Variants in SPEG observed in about 807,000 individuals in gnomAD.
SPEG encodes striated muscle enriched protein kinase, also known as striated muscle preferentially expressed protein kinase.
SPEG carries 114 observed loss-of-function variants against 300.4 expected under a neutral mutation model. The observed-to-expected ratio is 0.38, with a 90% CI of 0.33 to 0.44. The LOEUF (loss-of-function observed/expected upper bound fraction) is 0.44. SPEG is among the 20% of genes least tolerant of loss of function. The pLI, the probability that SPEG is intolerant of heterozygous loss-of-function variation, is 1.00. For synonymous variants in SPEG, 1,964 were observed against 2,018.9 expected (o/e 0.97, Z 0.73); for missense variants, 4,201 against 4,586.2 (o/e 0.92, Z 2.43).
In SPEG at chr2:219,473,865, A is replaced by G. The variant is rs1421450144; in HGVS notation, c.4409A>G (p.His1470Arg). 6.2e-7 allele frequency: 1 copy of G among 1,613,480 alleles called. No individual in the cohort carries two copies. The highest frequency in any genetic ancestry group is 2.2e-5 in the East Asian group (1 of 44,874). ...GALTCTARNR[H>R]GTQTCSVTLE... Reference sequence around the variant, plus strand: ...CTCACCTGCACCGCCCGAAACCGTCACGGCACACAGACCTGCTCGGTCACA... The same window carrying G: ...CTCACCTGCACCGCCCGAAACCGTCGCGGCACACAGACCTGCTCGGTCACA... The change falls in exon 18 of 41, where the codon CAC becomes CGC. Residue 1470 changes from histidine to arginine, a missense_variant. This residue lies in a region of SPEG where 1,047 missense variants were observed against 1,356.8 expected (regional missense o/e 0.77). Transcript: ENST00000312358. The surrounding 1 kb of genome is among the most constrained non-coding windows in gnomAD (Gnocchi z 4.6).
chr2:219,468,714 T>C lies in SPEG; in HGVS notation c.3279T>C (p.Pro1093=), dbSNP rs1691597579. 1.9e-6 allele frequency: 3 copies of C among 1,614,096 alleles called. No homozygotes were observed. The African/African-American group carries it at 4.0e-5, about 22-fold the overall frequency. ...FDCKISGTPP[P]VVTWTHFGCP... ...GCAAGATCAGTGGCACCCCGCCCCC[T>C]GTTGTTACCTGGACTCATTTTGGTA... is the stretch of plus-strand genomic sequence containing the variant. Residue 1093 remains proline (P), a synonymous_variant, in exon 11 of 41, where the codon CCT becomes CCC. Transcript: ENST00000312358.
chr2:219,482,580 G>A (rs891491518), intron 28 of SPEG, among the ~76,000 whole-genome samples: 1 of 152,106 alleles, frequency 6.6e-6, no homozygotes, highest in Non-Finnish European at 1.5e-5. Context: ...GGGGGTTCAG[G>A]GGATTTGTCT....
intron 1 of SPEG, among the ~76,000 whole-genome samples, chr2:219,435,912 A>G (rs987603112): frequency 6.6e-6 from 1 of 152,138 alleles, no homozygotes; most frequent in Non-Finnish European, 1.5e-5. Context: ...GCCACGTGTG[A>G]ACAGGGTCCA....
chr2:219,465,958 CG>C (rs1691295072), intron 9 of SPEG: 1 of 998,900 alleles, frequency 1.0e-6, no homozygotes, highest in African/African-American at 1.6e-5. Flanking sequence ...TGCATGTGTG[CG>C]TGTGCATGCG....
rs1388998648 is a variant in SPEG, at chr2:219,451,104, G to A, written c.2114-32G>A. ...CGCTGTCATCCCTGCAGGGATCATG[G>A]CCCCTTACCCCGTTATTCCTGTGTC... On this transcript the variant is annotated intron_variant, in intron 4 of 40. Transcript: ENST00000312358. The surrounding 1 kb of genome is among the most constrained non-coding windows in gnomAD (Gnocchi z 6.4). The A allele has an allele frequency of 8.9e-6, 14 of 1,579,176 alleles. No individual in the cohort carries two copies. Among genetic ancestry groups the A allele is most frequent in the Non-Finnish European group, 1.0e-5 (12 of 1,164,224 alleles).
chr2:219,449,112 G>A lies in SPEG; in HGVS notation c.1954G>A (p.Ala652Thr). Reference sequence around the variant, plus strand: ...GGCCACGCCGGGCCTGGAGGGCGCTGCTGTACCCCAGACCTTGGAGAAGAA... The same window carrying A: ...GGCCACGCCGGGCCTGGAGGGCGCTACTGTACCCCAGACCTTGGAGAAGAA... The part of the protein sequence containing the change: ...PWATPGLEGA[A>T]VPQTLEKNRA... The change falls in exon 4 of 41, where the codon GCT (alanine) becomes ACT (threonine). Residue 652 changes from alanine to threonine, a missense_variant. Coordinates refer to ENST00000312358, the MANE Select transcript of SPEG (RefSeq NM_005876.5). The A allele has an allele frequency of 2.0e-6, 3 of 1,477,160 alleles. No individual in the cohort carries two copies. The highest frequency in any genetic ancestry group is 2.7e-6 in the Non-Finnish European group (3 of 1,116,326). 91.5% of individuals were successfully genotyped at this position (1,477,160 alleles called of 1,614,324 possible). A position where few individuals can be genotyped will look rare whatever the true frequency, so the allele number is the denominator to read the frequency against.
At position 219,445,207 on chromosome 2, in the gene SPEG, G is replaced by A. The variant is rs557259854; in HGVS notation, c.815+46G>A. ...GGCCTGAACTGCCCCATCTCACCAC[G>A]CTGTCCTGCGCTGCCCTCACTGCTC... is the stretch of plus-strand genomic sequence containing the variant. On this transcript the variant is annotated intron_variant, in intron 3 of 40. Coordinates refer to ENST00000312358, the MANE Select transcript of SPEG (RefSeq NM_005876.5). The surrounding 1 kb of genome is among the most constrained non-coding windows in gnomAD (Gnocchi z 6.1). 21 of 1,490,018 alleles carry A rather than the reference G, an allele frequency of 1.4e-5. No homozygotes were observed. Among genetic ancestry groups the A allele is most frequent in the African/African-American group, 9.7e-5 (7 of 71,840 alleles). The allele number at this position is 1,490,018 out of a possible 1,614,324, so 92.3% of individuals were successfully genotyped here.
rs1199167572 is a variant in SPEG at position 219,437,797 on chromosome 2, G to A, written c.388+2432G>A. On this transcript the variant is annotated intron_variant, in intron 1 of 40. Coordinates refer to ENST00000312358, the MANE Select transcript of SPEG (RefSeq NM_005876.5). Reference sequence around the variant, plus strand: ...CTGTTGCCCACCCCCACCAGCCCCTGCCCAGTGATAGCTCCTGCTCCAGGG... The same window carrying A: ...CTGTTGCCCACCCCCACCAGCCCCTACCCAGTGATAGCTCCTGCTCCAGGG... Among the ~76,000 whole-genome samples the A allele has an allele frequency of 2.0e-5, 3 of 152,070 alleles. No individual in the cohort carries two copies. In the East Asian group the frequency reaches 5.8e-4, roughly 29 times the overall value.
rs375182266 is a variant in SPEG, at chr2:219,483,538, G to A, written c.6075G>A (p.Pro2025=). Reference sequence around the variant, plus strand: ...AGAGCGCCCTGCCCCGGGCCGGGCCGCGGGAGCTGGGCCGGGGCCTGCACA... The same window carrying A: ...AGAGCGCCCTGCCCCGGGCCGGGCCACGGGAGCTGGGCCGGGGCCTGCACA... ...SAESALPRAG[P]RELGRGLHKA... The change falls in exon 30 of 41, where the codon CCG becomes CCA. Residue 2025 remains proline (P), a synonymous_variant. Coordinates refer to ENST00000312358, the MANE Select transcript of SPEG (RefSeq NM_005876.5). 6 of 1,403,686 alleles carry A rather than the reference G, an allele frequency of 4.3e-6. No individual in the cohort carries two copies. Among genetic ancestry groups the A allele is most frequent in the East Asian group, 5.8e-5 (2 of 34,676 alleles). 87.0% of individuals were successfully genotyped at this position (1,403,686 alleles called of 1,614,324 possible). A position where few individuals can be genotyped will look rare whatever the true frequency, so the allele number is the denominator to read the frequency against.
At chr2:219,456,575 A>G (rs1254034477) in intron 6 of SPEG, among the ~76,000 whole-genome samples, 2 of 152,224 alleles carry the variant, frequency 1.3e-5, no homozygotes, top group Admixed American at 6.5e-5. Context: ...TGTTGCAGCC[A>G]CTTTTCCTCA....
chr2:219,460,425 G>A lies in SPEG; in HGVS notation c.2441-1457G>A, dbSNP rs911744003. 3.0e-6 allele frequency: 3 copies of A among 985,316 alleles called. No individual in the cohort carries two copies. In the African/African-American group the frequency reaches 5.2e-5, roughly 17 times the overall value. The allele number at this position is 985,316 out of a possible 1,614,324, so 61.0% of individuals were successfully genotyped here. ...GGCAACACAGGGAACATTTCCCACG[G>A]GCACCTTCTTTGGTGGACGTGTCAG... On this transcript the variant is annotated intron_variant, in intron 6 of 40. Coordinates refer to ENST00000312358, the MANE Select transcript of SPEG (RefSeq NM_005876.5).
rs774420776 is a variant in SPEG, at chr2:219,488,580, G to A, written c.7941G>A (p.Ala2647=). 3.7e-6 allele frequency: 6 copies of A among 1,612,236 alleles called. No individual in the cohort carries two copies. The highest frequency in any genetic ancestry group is 4.2e-6 in the Non-Finnish European group (5 of 1,179,368). Residue 2647 remains alanine, a synonymous_variant, in exon 33 of 41, where the codon GCG becomes GCA. Transcript: ENST00000312358. ...DGRQLLSIPR[A]GKRHAGLYEC... ...GGCAGCTGCTCAGCATCCCCCGGGC[G>A]GGCAAGCGGCACGCCGGTCTCTATG...
In SPEG at chr2:219,492,886, C is replaced by T. The variant is rs372833417; in HGVS notation, c.*100C>T. 53 of 1,190,220 alleles carry T rather than the reference C, an allele frequency of 4.5e-5. No homozygotes were observed. The highest frequency in any genetic ancestry group is 6.2e-5 in the Non-Finnish European group (52 of 832,982). 73.7% of individuals were successfully genotyped at this position (1,190,220 alleles called of 1,614,324 possible). ...GCTGAGCCAGGCGGGCCTGGGGCTTCGGTTACCACCAGCAGCAACATCTGG... is the reference window on the plus strand; with the variant it reads ...GCTGAGCCAGGCGGGCCTGGGGCTTTGGTTACCACCAGCAGCAACATCTGG... On this transcript the variant is annotated 3_prime_UTR_variant, in exon 41 of 41. Coordinates refer to ENST00000312358, the MANE Select transcript of SPEG (RefSeq NM_005876.5).
rs1039904365 is a variant in SPEG at position 219,443,352 on chromosome 2, C to T, written c.389-1301C>T. On this transcript the variant is annotated intron_variant, in intron 1 of 40. Coordinates refer to ENST00000312358, the MANE Select transcript of SPEG (RefSeq NM_005876.5). The surrounding 1 kb of genome is among the most constrained non-coding windows in gnomAD (Gnocchi z 4.6). ...GAGGACCCAGCAGAAGGGAGGGCGGCTCACTAGCACACCCCTGCATGGACT... is the reference window on the plus strand; with the variant it reads ...GAGGACCCAGCAGAAGGGAGGGCGGTTCACTAGCACACCCCTGCATGGACT... 2 of 644,032 alleles carry T rather than the reference C, an allele frequency of 3.1e-6. No homozygotes were observed. Among genetic ancestry groups the T allele is most frequent in the African/African-American group, 3.6e-5 (2 of 55,960 alleles). The allele number at this position is 644,032 out of a possible 1,614,324, so 39.9% of individuals were successfully genotyped here. A position where few individuals can be genotyped will look rare whatever the true frequency, so the allele number is the denominator to read the frequency against.
chr2:219,484,340 C>T lies in SPEG; in HGVS notation c.6877C>T (p.Arg2293Cys). 6.2e-7 allele frequency: 1 copy of T among 1,604,604 alleles called. No individual in the cohort carries two copies. Among genetic ancestry groups the T allele is most frequent in the African/African-American group, 1.3e-5 (1 of 74,970 alleles). The change falls in exon 30 of 41, where the codon CGC becomes TGC. Residue 2293 changes from arginine to cysteine, a missense_variant. Arg to Cys is a radical substitution (Grantham distance 180, BLOSUM62 -3). Coordinates refer to ENST00000312358, the MANE Select transcript of SPEG (RefSeq NM_005876.5). Reference sequence around the variant, plus strand: ...CCCACCTCCGGGAGCCCCCGAGAAGCGCGTGCCCTCAGCCGGGGGTCCCCC... The same window carrying T: ...CCCACCTCCGGGAGCCCCCGAGAAGTGCGTGCCCTCAGCCGGGGGTCCCCC... The part of the protein sequence containing the change: ...ASPPPGAPEK[R>C]VPSAGGPPVL...
intron 6 of SPEG, chr2:219,460,648 G>A (rs1275043189): frequency 2.0e-6 from 2 of 985,594 alleles, no homozygotes; most frequent in Non-Finnish European, 2.4e-6. Flanking sequence ...AAATCCAGAC[G>A]GCCGCGCTCC....
intron 1 of SPEG, among the ~76,000 whole-genome samples, chr2:219,438,428 G>T (rs993091592): frequency 6.6e-6 from 1 of 152,190 alleles, no homozygotes; most frequent in Non-Finnish European, 1.5e-5. Flanking sequence ...AGAAAGAGAA[G>T]TGTGGGAAGA....
chr2:219,487,660 C>T (rs760653433), intron 31 of SPEG, among the ~76,000 whole-genome samples: 16 of 152,160 alleles, frequency 1.1e-4, no homozygotes, highest in Non-Finnish European at 1.5e-4. Flanking sequence ...GAAGCCGACA[C>T]GCTTCCAGGG....
Position 219,484,413 on chromosome 2 carries a change from G to A in SPEG, c.6950G>A (p.Gly2317Asp), listed in dbSNP as rs1323981302. 1 of 1,611,000 alleles carries A rather than the reference G, an allele frequency of 6.2e-7. No individual in the cohort carries two copies. Among genetic ancestry groups the A allele is most frequent in the Non-Finnish European group, 8.5e-7 (1 of 1,179,818 alleles). Reference sequence around the variant, plus strand: ...GTTCCCACGGTGCCCCCCAGGCCAGGCAGCAGTCTCAGTAGCAGCATCGAA... The same window carrying A: ...GTTCCCACGGTGCCCCCCAGGCCAGACAGCAGTCTCAGTAGCAGCATCGAA... ...ARVPTVPPRP[G>D]SSLSSSIENL... is the part of the protein sequence containing the mutation. The change falls in exon 30 of 41, where the codon GGC becomes GAC. Residue 2317 changes from glycine (G) to aspartate (D), a missense_variant. This residue lies in a region of SPEG where 1,578 missense variants were observed against 1,506.0 expected (regional missense o/e 1.05). Transcript: ENST00000312358.
Sources: gnomAD v4.1 joint callset for allele counts (sites outside exome capture counted in the v4.1 genomes callset) on GRCh38, gnomAD v4.1.1 for gene constraint, gnomAD v4.1.1 regional missense constraint, Gnocchi (gnomAD v3.1) non-coding constraint, MANE v1.5 for transcripts, NCBI Gene and HGNC (gene_info 2026-07-23, HGNC 2026-07-21) for gene names.